NPAS3: variants seen among roughly 807,000 people sequenced by gnomAD.
NPAS3 encodes the protein neuronal PAS domain-containing protein 3.
In NPAS3, 14 loss-of-function variants were observed where a neutral mutation model predicts 73.1. The ratio of observed to expected loss-of-function variants is 0.19; its 90% CI spans 0.13 to 0.30. The LOEUF is 0.30. Ranked by LOEUF, NPAS3 falls within the 10% of genes least tolerant of loss-of-function variation. The pLI is 1.00. For synonymous variants in NPAS3, 620 were observed against 541.5 expected (o/e 1.14, Z -2.01); for missense variants, 1,096 against 1,250.0 (o/e 0.88, Z 1.86).
intron 2 of NPAS3, among the ~76,000 whole-genome samples, chr14:33,122,180 G>A (rs1282552896): frequency 6.6e-6 from 1 of 152,120 alleles, no homozygotes; most frequent in Non-Finnish European, 1.5e-5. Context: ...TTCTGATTCT[G>A]GAGCAGACAT....
intron 2 of NPAS3, among the ~76,000 whole-genome samples, chr14:33,211,371 A>T (rs142479447): frequency 6.6e-6 from 1 of 152,196 alleles, no homozygotes; most frequent in South Asian, 2.1e-4. Context: ...ACTTGAGGTC[A>T]GGAGTTAGAG....
chr14:33,614,131 TAA>T (rs1224134739), intron 5 of NPAS3, among the ~76,000 whole-genome samples: 1 of 152,202 alleles, frequency 6.6e-6, no homozygotes, highest in East Asian at 1.9e-4. Context: ...CAGATCTGGG[TAA>T]AAAATATTTT....
In NPAS3 at chr14:33,322,713, T is replaced by C. The variant is rs182605828; in HGVS notation, c.386-44473T>C. ...GTTTTTCTGAGCTCATAATAATTGA[T>C]AGATAAAACTACAGTAGGTGAACCA... On this transcript the variant is annotated intron_variant, in intron 3 of 11. Coordinates refer to ENST00000356141, the Ensembl canonical transcript of NPAS3. Among the ~76,000 whole-genome samples, 330 of 152,270 alleles carry C rather than the reference T, an allele frequency of 2.2e-3. 1 individual carries two copies. The highest frequency in any genetic ancestry group is 7.6e-3 in the African/African-American group (314 of 41,554).
At chr14:33,712,742 G>T (rs2060855795) in intron 6 of NPAS3, among the ~76,000 whole-genome samples, 1 of 152,120 alleles carries the variant, frequency 6.6e-6, no homozygotes. Flanking sequence ...TGTCTCTGTG[G>T]CTTAATTCAT....
intron 3 of NPAS3, among the ~76,000 whole-genome samples, chr14:33,364,915 C>T (rs966720677): frequency 2.6e-5 from 4 of 151,892 alleles, no homozygotes; most frequent in African/African-American, 9.7e-5. Flanking sequence ...TCCTTATAAC[C>T]TGGTGGCTAT....
At chr14:33,637,095 G>T (rs916780796) in intron 5 of NPAS3, among the ~76,000 whole-genome samples, 1 of 152,138 alleles carries the variant, frequency 6.6e-6, no homozygotes, top group Non-Finnish European at 1.5e-5. Context: ...TCTCTAGATT[G>T]TGGAGAAACA....
chr14:33,412,950 T>C (rs768566043), intron 4 of NPAS3, among the ~76,000 whole-genome samples: 6 of 152,238 alleles, frequency 3.9e-5, no homozygotes, highest in Non-Finnish European at 7.3e-5. Context: ...AGTTTAGTGC[T>C]GTGTAATTAT....
At chr14:33,532,386 AAAAGGTACAACCTCTTTGGG>A (rs1319782228) in intron 4 of NPAS3, among the ~76,000 whole-genome samples, 1 of 152,106 alleles carries the variant, frequency 6.6e-6, no homozygotes, top group African/African-American at 2.4e-5. Flanking sequence ...TCTTTCTGGG[AAAAGGTACAACCTCTTTGGG>A]GTTCTCTTCA....
intron 4 of NPAS3, among the ~76,000 whole-genome samples, chr14:33,377,807 C>T (rs1225119133): frequency 6.6e-6 from 1 of 152,028 alleles, no homozygotes; most frequent in Admixed American, 6.6e-5. Context: ...AATGAATTAC[C>T]TCAAGTGGCC....
chr14:32,974,134 A>G (rs1372204917), intron 1 of NPAS3, among the ~76,000 whole-genome samples: 1 of 152,216 alleles, frequency 6.6e-6, no homozygotes, highest in South Asian at 2.1e-4. Context: ...GAGGTCATTT[A>G]CATGAGGAGA....
chr14:33,629,361 A>T (rs981347114), intron 5 of NPAS3, among the ~76,000 whole-genome samples: 1 of 152,170 alleles, frequency 6.6e-6, no homozygotes, highest in Non-Finnish European at 1.5e-5. Context: ...ATAAGTGAGG[A>T]TCATTATCAG....
At chr14:33,003,231 C>A (rs1162572910) in intron 1 of NPAS3, among the ~76,000 whole-genome samples, 1 of 151,548 alleles carries the variant, frequency 6.6e-6, no homozygotes, top group Admixed American at 6.6e-5. Context: ...CTCAATTATG[C>A]TAAAAACTAA....
chr14:33,382,071 G>A (rs567417785), intron 4 of NPAS3, among the ~76,000 whole-genome samples: 1 of 152,068 alleles, frequency 6.6e-6, no homozygotes. Context: ...TGGGAGGGGG[G>A]CAGTTAGCCT....
intron 5 of NPAS3, among the ~76,000 whole-genome samples, chr14:33,666,913 T>C (rs1450950704): frequency 3.3e-5 from 5 of 152,336 alleles, no homozygotes; most frequent in African/African-American, 1.2e-4. Flanking sequence ...GTCATTTTCA[T>C]GTTCTACTCC....
chr14:32,959,926 A>G (rs1231375094), intron 1 of NPAS3, among the ~76,000 whole-genome samples: 1 of 152,106 alleles, frequency 6.6e-6, no homozygotes, highest in African/African-American at 2.4e-5. Flanking sequence ...CATTCTATGA[A>G]TGCTACGTAA....
chr14:33,684,871 G>A (rs1241939414), intron 6 of NPAS3, among the ~76,000 whole-genome samples: 1 of 152,218 alleles, frequency 6.6e-6, no homozygotes, highest in Non-Finnish European at 1.5e-5. Context: ...AGCAGGCAGA[G>A]CAGAGCAATG....
intron 5 of NPAS3, among the ~76,000 whole-genome samples, chr14:33,674,610 C>T (rs775549361): frequency 1.5e-4 from 23 of 152,162 alleles, no homozygotes; most frequent in African/African-American, 3.9e-4. Flanking sequence ...TCCCGATTTA[C>T]GCTCTGTAGC....
At chr14:33,738,032 G>A (rs17101806) in intron 7 of NPAS3, among the ~76,000 whole-genome samples, 3,298 of 152,140 alleles carry the variant, frequency 0.022, 129 homozygotes, top group African/African-American at 0.074. Context: ...TGTTGTTGTC[G>A]TCATAGGAAC....
intron 4 of NPAS3, among the ~76,000 whole-genome samples, chr14:33,428,668 C>A (rs142669398): frequency 9.5e-4 from 144 of 152,242 alleles, no homozygotes; most frequent in African/African-American, 2.8e-3. Context: ...TCACACTGAG[C>A]ACTAAGCTTA....
Sources: allele counts gnomAD v4.1 joint callset (sites outside exome capture counted in the v4.1 genomes callset), GRCh38; gene constraint gnomAD v4.1.1; transcripts MANE v1.5; gene names NCBI Gene and HGNC (gene_info 2026-07-23, HGNC 2026-07-21).